Variants in PLCXD3 observed in about 807,000 individuals in gnomAD.
The protein encoded by PLCXD3 is phosphatidylinositol specific phospholipase C X domain containing 3.
PLCXD3 carries 19 observed loss-of-function variants against 25.5 expected under a neutral mutation model. The ratio of observed to expected loss-of-function variants is 0.75; its 90% CI spans 0.52 to 1.09. The LOEUF (loss-of-function observed/expected upper bound fraction) is 1.09, where lower values mean the gene tolerates loss of function less well. PLCXD3 is among the 50% of genes least tolerant of loss of function. PLCXD3 has a pLI of 0.00. For missense variants in PLCXD3, 411 were observed against 388.1 expected, an observed-to-expected ratio of 1.06 and a Z score of -0.50; for synonymous variants, 174 against 137.6, an observed-to-expected ratio of 1.26 and a Z score of -1.85.
At chr5:41,352,753 T>C (rs1744500384) in intron 2 of PLCXD3, among the ~76,000 whole-genome samples, 1 of 152,134 alleles carries the variant, frequency 6.6e-6, no homozygotes, top group African/African-American at 2.4e-5. Flanking sequence ...AGACAAATGG[T>C]TTTTTAACAA....
At chr5:41,386,779 G>C (rs1470063656) in intron 1 of PLCXD3, among the ~76,000 whole-genome samples, 1 of 151,906 alleles carries the variant, frequency 6.6e-6, no homozygotes, top group African/African-American at 2.4e-5. Context: ...GACAGCATCT[G>C]AACAATCAGC....
chr5:41,392,301 T>C (rs1488481789), intron 1 of PLCXD3, among the ~76,000 whole-genome samples: 1 of 152,032 alleles, frequency 6.6e-6, no homozygotes, highest in Non-Finnish European at 1.5e-5. Context: ...ATTCTGTCAC[T>C]TCACCCCCAG....
intron 2 of PLCXD3, among the ~76,000 whole-genome samples, chr5:41,351,964 T>C (rs894855972): frequency 2.0e-5 from 3 of 152,206 alleles, no homozygotes; most frequent in Non-Finnish European, 4.4e-5. Flanking sequence ...TGCAATGTTC[T>C]GGCAAGGTGA....
intron 1 of PLCXD3, among the ~76,000 whole-genome samples, chr5:41,444,621 A>G (rs1216581594): frequency 6.6e-6 from 1 of 152,180 alleles, no homozygotes; most frequent in Non-Finnish European, 1.5e-5. Flanking sequence ...CTAATAATAC[A>G]TGAATTAATA....
chr5:41,342,121 A>C (rs1166085776), intron 2 of PLCXD3, among the ~76,000 whole-genome samples: 1 of 152,158 alleles, frequency 6.6e-6, no homozygotes, highest in Non-Finnish European at 1.5e-5. Context: ...TGCAGATGTG[A>C]TTTTGAGGAT....
chr5:41,450,365 G>T (rs1561277064), intron 1 of PLCXD3, among the ~76,000 whole-genome samples: 2 of 152,024 alleles, frequency 1.3e-5, no homozygotes, highest in African/African-American at 4.8e-5. Context: ...GTTTTTCAAA[G>T]GTCTCCAAGA....
chr5:41,455,596 T>C (rs1479637855), intron 1 of PLCXD3, among the ~76,000 whole-genome samples: 2 of 151,450 alleles, frequency 1.3e-5, no homozygotes, highest in Non-Finnish European at 1.5e-5. Flanking sequence ...AATGAGAAAA[T>C]GGGAAGTATA....
chr5:41,405,617 C>T (rs1217285768), intron 1 of PLCXD3, among the ~76,000 whole-genome samples: 2 of 152,084 alleles, frequency 1.3e-5, no homozygotes, highest in Non-Finnish European at 2.9e-5. Context: ...TTCCCTGTTC[C>T]CACTGCTGCA....
At chr5:41,392,846 A>T (rs1319860220) in intron 1 of PLCXD3, among the ~76,000 whole-genome samples, 2 of 152,226 alleles carry the variant, frequency 1.3e-5, no homozygotes, top group Non-Finnish European at 2.9e-5. Flanking sequence ...ATTCTATCAG[A>T]TAAATTCAAC....
At chr5:41,443,131 C>A (rs750195835) in intron 1 of PLCXD3, among the ~76,000 whole-genome samples, 11 of 149,530 alleles carry the variant, frequency 7.4e-5, no homozygotes, top group Admixed American at 1.3e-4. Flanking sequence ...TTCATATATA[C>A]CCAATAGTCA....
chr5:41,446,321 G>A (rs1416055011), intron 1 of PLCXD3, among the ~76,000 whole-genome samples: 1 of 151,546 alleles, frequency 6.6e-6, no homozygotes, highest in African/African-American at 2.4e-5. Flanking sequence ...AACTACCCTT[G>A]GCTTTGGAGA....
At chr5:41,449,854 C>A (rs1747587770) in intron 1 of PLCXD3, among the ~76,000 whole-genome samples, 1 of 152,054 alleles carries the variant, frequency 6.6e-6, no homozygotes, top group Admixed American at 6.6e-5. Context: ...CGAGGAAGGG[C>A]ATATAAGCAG....
chr5:41,357,782 G>A (rs1191208077), intron 2 of PLCXD3, among the ~76,000 whole-genome samples: 3 of 152,092 alleles, frequency 2.0e-5, no homozygotes, highest in Non-Finnish European at 4.4e-5. Flanking sequence ...ATAATAAAAA[G>A]CTATAATATT....
At chr5:41,428,373 A>AGTTTT (rs1747012218) in intron 1 of PLCXD3, among the ~76,000 whole-genome samples, 2 of 106,840 alleles carry the variant, frequency 1.9e-5, no homozygotes, top group Non-Finnish European at 4.0e-5. Context: ...AGTTAAAATG[A>AGTTTT]GTTTTTTTGT....
chr5:41,439,051 T>C (rs1207413745), intron 1 of PLCXD3, among the ~76,000 whole-genome samples: 1 of 152,232 alleles, frequency 6.6e-6, no homozygotes, highest in Non-Finnish European at 1.5e-5. Flanking sequence ...AACACTGTCG[T>C]AGTTTACGGT....
intron 1 of PLCXD3, among the ~76,000 whole-genome samples, chr5:41,477,585 G>GAT (rs1487366663): frequency 0.01 from 1,561 of 151,982 alleles, 22 homozygotes; most frequent in African/African-American, 0.035. Flanking sequence ...GGATCAAGAT[G>GAT]TCCCTCCCAT....
intron 1 of PLCXD3, among the ~76,000 whole-genome samples, chr5:41,489,823 G>A (rs1748613739): frequency 6.6e-6 from 1 of 151,182 alleles, no homozygotes; most frequent in Non-Finnish European, 1.5e-5. Flanking sequence ...ATCAGCTTAA[G>A]GAGATTTTGG....
chr5:41,313,340 C>G lies in PLCXD3; in HGVS notation c.*277G>C. 2.7e-6 allele frequency: 1 copy of G among 365,332 alleles called. No individual in the cohort carries two copies. Among genetic ancestry groups the G allele is most frequent in the Non-Finnish European group, 5.0e-6 (1 of 200,690 alleles). The allele number at this position is 365,332 out of a possible 1,614,324, so 22.6% of individuals were successfully genotyped here. A position where few individuals can be genotyped will look rare whatever the true frequency, so the allele number is the denominator to read the frequency against. Reference sequence around the variant, plus strand: ...GTAAACACTCATGAATTCTATGTTACAAAGACTAATTTTGAAAAACAAAGT... The same window carrying G: ...GTAAACACTCATGAATTCTATGTTAGAAAGACTAATTTTGAAAAACAAAGT... On this transcript the variant is annotated 3_prime_UTR_variant, in exon 3 of 3. Transcript: ENST00000377801.
At chr5:41,332,331 A>C (rs934853857) in intron 2 of PLCXD3, among the ~76,000 whole-genome samples, 10 of 152,164 alleles carry the variant, frequency 6.6e-5, no homozygotes, top group African/African-American at 1.9e-4. Context: ...CAGCCAAAAA[A>C]CACATGAAAA....
Sources: allele counts gnomAD v4.1 joint callset (sites outside exome capture counted in the v4.1 genomes callset), GRCh38; gene constraint gnomAD v4.1.1; transcripts MANE v1.5; gene names NCBI Gene and HGNC (gene_info 2026-07-23, HGNC 2026-07-21).